PTPRK: variants seen among roughly 807,000 people sequenced by gnomAD.
The protein encoded by PTPRK is protein tyrosine phosphatase receptor type K, also known as receptor-type tyrosine-protein phosphatase kappa.
PTPRK carries 75 observed loss-of-function variants against 178.0 expected under a neutral mutation model. The observed-to-expected ratio is 0.42, with a 90% CI of 0.35 to 0.51. PTPRK has a LOEUF of 0.51. Ranked by LOEUF, PTPRK falls within the 20% of genes least tolerant of loss-of-function variation. The pLI is 0.02. For synonymous variants in PTPRK, 637 were observed against 620.6 expected, an observed-to-expected ratio of 1.03 and a Z score of -0.39; for missense variants, 1,441 against 1,797.8, an observed-to-expected ratio of 0.80 and a Z score of 3.59.
chr6:128,039,088 C>A (rs1294747120), intron 13 of PTPRK, among the ~76,000 whole-genome samples: 1 of 152,022 alleles, frequency 6.6e-6, no homozygotes, highest in African/African-American at 2.4e-5. Context: ...TATTATATGA[C>A]CTGACAATAT....
chr6:128,259,377 A>G (rs556302616), intron 3 of PTPRK, among the ~76,000 whole-genome samples: 16 of 152,286 alleles, frequency 1.1e-4, no homozygotes, highest in African/African-American at 3.9e-4. Context: ...GAATATGAAG[A>G]GGAAAGCTTT....
chr6:128,475,181 CT>C (rs1288892210), intron 1 of PTPRK, among the ~76,000 whole-genome samples: 19 of 152,024 alleles, frequency 1.2e-4, no homozygotes, highest in Admixed American at 1.2e-3. Flanking sequence ...TATTTATTTT[CT>C]CTGTATTTGT....
intron 1 of PTPRK, among the ~76,000 whole-genome samples, chr6:128,452,012 T>C (rs1244726888): frequency 6.6e-6 from 1 of 152,130 alleles, no homozygotes; most frequent in East Asian, 1.9e-4. Context: ...GCAAGATAAA[T>C]ATACTTTATT....
At chr6:128,020,740 G>A (rs1458623470) in intron 13 of PTPRK, among the ~76,000 whole-genome samples, 2 of 152,092 alleles carry the variant, frequency 1.3e-5, no homozygotes, top group African/African-American at 2.4e-5. Flanking sequence ...AAAGATGGTC[G>A]ACATTTTAAA....
At chr6:128,509,751 A>G (rs1184225226) in intron 1 of PTPRK, among the ~76,000 whole-genome samples, 4 of 152,114 alleles carry the variant, frequency 2.6e-5, no homozygotes, top group Non-Finnish European at 5.9e-5. Flanking sequence ...AGAAAGTGAC[A>G]GAGCTTAAGA....
At chr6:128,408,261 G>A (rs753602043) in intron 1 of PTPRK, among the ~76,000 whole-genome samples, 30 of 152,126 alleles carry the variant, frequency 2.0e-4, no homozygotes, top group Non-Finnish European at 4.1e-4. Context: ...GGTGGCGGGC[G>A]CCTGTAATCC....
At chr6:128,189,901 T>C (rs1583402591) in intron 6 of PTPRK, among the ~76,000 whole-genome samples, 2 of 152,294 alleles carry the variant, frequency 1.3e-5, no homozygotes, top group South Asian at 4.1e-4. Context: ...GACCATCTAA[T>C]TCAGGCATTT....
chr6:128,479,044 A>C (rs990661820), intron 1 of PTPRK, among the ~76,000 whole-genome samples: 6 of 152,032 alleles, frequency 3.9e-5, no homozygotes, highest in African/African-American at 1.4e-4. Flanking sequence ...ATAGATTTGA[A>C]GCTGGAATAA....
In PTPRK at chr6:128,023,993, A is replaced by G. The variant is rs542539974; in HGVS notation, c.2195-14725T>C. On this transcript the variant is annotated intron_variant, in intron 13 of 29. Transcript: ENST00000368226. The stretch of plus-strand genomic sequence containing the variant: ...CCAATCTCTTATTTTAAACTCAAAT[A>G]GAGACATCTCTAGGGCAATCAGATA... Among the ~76,000 whole-genome samples the G allele has an allele frequency of 3.3e-5, 5 of 152,234 alleles. No individual in the cohort carries two copies. In the South Asian group the frequency reaches 8.3e-4, roughly 25 times the overall value.
At chr6:128,464,955 G>C (rs1011829867) in intron 1 of PTPRK, among the ~76,000 whole-genome samples, 2 of 151,106 alleles carry the variant, frequency 1.3e-5, no homozygotes, top group Non-Finnish European at 3.0e-5. Flanking sequence ...TCTCTCCCGG[G>C]TTTGTTTTTT....
intron 3 of PTPRK, among the ~76,000 whole-genome samples, chr6:128,269,044 A>G (rs1819383646): frequency 6.6e-6 from 1 of 152,094 alleles, no homozygotes; most frequent in African/African-American, 2.4e-5. Flanking sequence ...TTCCACCAAT[A>G]AATTGTAAAT....
intron 7 of PTPRK, among the ~76,000 whole-genome samples, chr6:128,124,275 C>T (rs1792967268): frequency 6.6e-6 from 1 of 152,050 alleles, no homozygotes; most frequent in South Asian, 2.1e-4. Context: ...AACACCTGAT[C>T]TACCTCAGGT....
At chr6:128,440,983 C>T (rs535722339) in intron 1 of PTPRK, among the ~76,000 whole-genome samples, 1 of 152,156 alleles carries the variant, frequency 6.6e-6, no homozygotes, top group Non-Finnish European at 1.5e-5. Flanking sequence ...TAAATTACCC[C>T]CTACACTGTG....
intron 5 of PTPRK, among the ~76,000 whole-genome samples, chr6:128,222,551 C>A (rs965514660): frequency 2.6e-5 from 4 of 152,296 alleles, no homozygotes; most frequent in Admixed American, 2.0e-4. Flanking sequence ...TCCCTTACCA[C>A]CTTACAACAT....
chr6:128,150,685 C>T (rs1020097539), intron 7 of PTPRK, among the ~76,000 whole-genome samples: 3 of 152,042 alleles, frequency 2.0e-5, no homozygotes, highest in Admixed American at 6.6e-5. Flanking sequence ...TCCTGGATAT[C>T]GCATTTTCCT....
intron 7 of PTPRK, among the ~76,000 whole-genome samples, chr6:128,094,683 C>A (rs1006247059): frequency 1.3e-5 from 2 of 152,038 alleles, no homozygotes; most frequent in Non-Finnish European, 2.9e-5. Flanking sequence ...GCAAGGCATA[C>A]GAGCAATACT....
intron 3 of PTPRK, among the ~76,000 whole-genome samples, chr6:128,244,460 T>A (rs1274377867): frequency 6.6e-6 from 1 of 151,986 alleles, no homozygotes; most frequent in South Asian, 2.1e-4. Context: ...AAAGCCAACA[T>A]CGAATGGTTA....
intron 1 of PTPRK, among the ~76,000 whole-genome samples, chr6:128,398,975 G>A (rs1237124771): frequency 6.6e-6 from 1 of 152,146 alleles, no homozygotes; most frequent in Non-Finnish European, 1.5e-5. Context: ...TTCAAATCAT[G>A]AAAATAAGAA....
intron 1 of PTPRK, among the ~76,000 whole-genome samples, chr6:128,492,248 T>A (rs1377975703): frequency 6.6e-6 from 1 of 152,190 alleles, no homozygotes; most frequent in African/African-American, 2.4e-5. Flanking sequence ...AACTGCTCTA[T>A]GTCTTTGGTC....
Sources: gnomAD v4.1 joint callset for allele counts (sites outside exome capture counted in the v4.1 genomes callset) on GRCh38, gnomAD v4.1.1 for gene constraint, MANE v1.5 for transcripts, NCBI Gene and HGNC (gene_info 2026-07-23, HGNC 2026-07-21) for gene names.